Variants in IFT88 observed in about 807,000 individuals in gnomAD.
IFT88 encodes intraflagellar transport protein 88 homolog.
A neutral mutation model predicts 119.5 loss-of-function variants in IFT88; 74 were observed. The observed-to-expected ratio is 0.62, with a 90% confidence interval of 0.51 to 0.75. The LOEUF (loss-of-function observed/expected upper bound fraction) is 0.75, where lower values mean the gene tolerates loss of function less well. IFT88 is among the 30% of genes least tolerant of loss of function. IFT88 has a pLI of 0.00. For synonymous variants in IFT88, 279 were observed against 316.7 expected, an observed-to-expected ratio of 0.88 and a Z score of 1.26; for missense variants, 961 against 977.7, an observed-to-expected ratio of 0.98 and a Z score of 0.23.
At chr13:20,585,141 T>G (rs774058085) in intron 3 of IFT88, among the ~76,000 whole-genome samples, 17 of 152,094 alleles carry the variant, frequency 1.1e-4, no homozygotes, top group Non-Finnish European at 1.9e-4. Context: ...GTAAATGCAT[T>G]TAGTGTGGTT....
chr13:20,607,257 T>C (rs909913841), intron 13 of IFT88: 8 of 407,158 alleles, frequency 2.0e-5, no homozygotes, highest in African/African-American at 4.2e-5. Flanking sequence ...GGCCTGCTGC[T>C]GCCGCAGCAC....
chr13:20,607,792 T>A, intron 13 of IFT88: 1 of 743,294 alleles, frequency 1.3e-6, no homozygotes, highest in Non-Finnish European at 2.5e-6. Flanking sequence ...CCTCGTCAGC[T>A]CTCTGAGCTA....
chr13:20,578,358 C>CTTTTTTTTTTTTTT (rs1158499742), intron 2 of IFT88, among the ~76,000 whole-genome samples: 2 of 78,754 alleles, frequency 2.5e-5, no homozygotes, highest in South Asian at 4.1e-4. Context: ...AGTCTTGTTA[C>CTTTTTTTTTTTTTT]TTTTTTTTTT....
chr13:20,571,160 A>AT (rs2036285076), intron 1 of IFT88, among the ~76,000 whole-genome samples: 1 of 151,636 alleles, frequency 6.6e-6, no homozygotes, highest in Non-Finnish European at 1.5e-5. Context: ...TGCCCGGCTA[A>AT]TTTTTTTGTA....
At chr13:20,624,988 A>G (rs73433309) in intron 14 of IFT88, among the ~76,000 whole-genome samples, 4,717 of 152,220 alleles carry the variant, frequency 0.031, 241 homozygotes, top group African/African-American at 0.11. Context: ...GATCTCTTCA[A>G]CTTATTCCTT....
Position 20,592,405 on chromosome 13 carries a change from G to A in IFT88, c.398+1G>A, listed in dbSNP as rs948410524. 1.2e-6 allele frequency: 2 copies of A among 1,602,418 alleles called. No individual in the cohort carries two copies. The highest frequency in any genetic ancestry group is 1.7e-6 in the Non-Finnish European group (2 of 1,172,968). On this transcript the variant is annotated splice_donor_variant, in intron 7 of 25. Coordinates refer to ENST00000351808, the MANE Select transcript of IFT88 (RefSeq NM_006531.5). LOFTEE classifies it high-confidence loss of function. ...CTTTGGAAGCCAAGAAAAAAGATAG[G>A]TATGTAAGTCCTTATGTTGTTGTTT...
chr13:20,647,184 C>T lies in IFT88; in HGVS notation c.1949+2226C>T, dbSNP rs148619675. 3.4e-4 allele frequency among the ~76,000 whole-genome samples: 52 copies of T among 152,296 alleles called. 1 individual carries two copies. In the South Asian group the frequency reaches 3.9e-3, roughly 12 times the overall value. ...TTCTATAAACTTACTTCCACTTGCA[C>T]CTGCTGTTATCTCCTTCTCAGTGAC... On this transcript the variant is annotated intron_variant, in intron 20 of 25. Transcript: ENST00000351808.
intron 17 of IFT88, among the ~76,000 whole-genome samples, chr13:20,639,320 C>CT (rs1417307856): frequency 1.3e-5 from 2 of 152,134 alleles, no homozygotes; most frequent in Non-Finnish European, 2.9e-5. Context: ...AGTGGAGTCT[C>CT]TAAGTCCATG....
In IFT88 at chr13:20,597,029, A is replaced by C; in HGVS notation, c.504A>C (p.Ala168=). Residue 168 remains alanine, a synonymous_variant, in exon 9 of 26, where the codon GCA becomes GCC. Coordinates refer to ENST00000351808, the MANE Select transcript of IFT88 (RefSeq NM_006531.5). ...CGDLKLALEK[A]KDAGRKERVL... The stretch of plus-strand genomic sequence containing the variant: ...TCTGATTTCAGGCCTTAGAAAAGGC[A>C]AAAGATGCAGGAAGAAAAGAGAGAG... 6.2e-7 allele frequency: 1 copy of C among 1,601,652 alleles called. No homozygotes were observed. Among genetic ancestry groups the C allele is most frequent in the Non-Finnish European group, 8.5e-7 (1 of 1,174,214 alleles).
chr13:20,568,751 G>A (rs962065705), intron 1 of IFT88, among the ~76,000 whole-genome samples: 1 of 151,814 alleles, frequency 6.6e-6, no homozygotes, highest in African/African-American at 2.4e-5. Context: ...GGAGTCGCAC[G>A]CTCTGTTGCC....
At chr13:20,618,839 T>C (rs906710473) in intron 14 of IFT88, among the ~76,000 whole-genome samples, 1 of 143,720 alleles carries the variant, frequency 7.0e-6, no homozygotes, top group African/African-American at 2.6e-5. Flanking sequence ...TCTTTGTATA[T>C]GATTAAATTA....
intron 14 of IFT88, among the ~76,000 whole-genome samples, chr13:20,622,634 G>C (rs1282895447): frequency 6.6e-6 from 1 of 152,156 alleles, no homozygotes; most frequent in Non-Finnish European, 1.5e-5. Flanking sequence ...CTTATTTGGA[G>C]AAGTGTTTGT....
intron 14 of IFT88, among the ~76,000 whole-genome samples, chr13:20,621,239 G>A (rs1027286666): frequency 6.6e-6 from 1 of 151,986 alleles, no homozygotes; most frequent in Non-Finnish European, 1.5e-5. Flanking sequence ...GCAAAGTTTT[G>A]TATTTTTAGT....
chr13:20,598,638 T>C lies in IFT88; in HGVS notation c.595-13T>C, dbSNP rs1328681283. The C allele has an allele frequency of 6.4e-7, 1 of 1,559,188 alleles. No individual in the cohort carries two copies. The highest frequency in any genetic ancestry group is 8.8e-7 in the Non-Finnish European group (1 of 1,131,796). ...GGTCTTATGTGTCTTTTCTATAATA[T>C]TTTCTTCCTTAGGTTCTTTTCAATT... is the stretch of plus-strand genomic sequence containing the variant. On this transcript the variant is annotated splice_polypyrimidine_tract_variant and intron_variant, in intron 9 of 25. Coordinates refer to ENST00000351808, the MANE Select transcript of IFT88 (RefSeq NM_006531.5).
intron 14 of IFT88, among the ~76,000 whole-genome samples, chr13:20,620,092 A>G (rs914179595): frequency 3.3e-5 from 5 of 152,218 alleles, no homozygotes; most frequent in South Asian, 2.1e-4. Flanking sequence ...CCCCAACTTC[A>G]TGAAAATATT....
intron 24 of IFT88, among the ~76,000 whole-genome samples, chr13:20,686,328 A>C (rs2057911410): frequency 6.6e-6 from 1 of 152,248 alleles, no homozygotes; most frequent in African/African-American, 2.4e-5. Flanking sequence ...AAAATGCAGG[A>C]AAGGCAAGTA....
chr13:20,616,448 A>C (rs991362323), intron 14 of IFT88, among the ~76,000 whole-genome samples: 3 of 152,212 alleles, frequency 2.0e-5, no homozygotes, highest in African/African-American at 7.2e-5. Context: ...AGATAGATTT[A>C]GATATACAAA....
At chr13:20,654,288 A>G (rs1245350223) in intron 21 of IFT88, among the ~76,000 whole-genome samples, 2 of 152,198 alleles carry the variant, frequency 1.3e-5, no homozygotes, top group East Asian at 3.8e-4. Context: ...GCTCGGCCAA[A>G]TTTATGACAC....
intron 20 of IFT88, among the ~76,000 whole-genome samples, chr13:20,647,970 A>C (rs888453548): frequency 6.6e-6 from 1 of 152,136 alleles, no homozygotes; most frequent in Non-Finnish European, 1.5e-5. Context: ...TATCACATAC[A>C]GGGACCCTCA....
Sources: allele counts gnomAD v4.1 joint callset (sites outside exome capture counted in the v4.1 genomes callset), GRCh38; gene constraint gnomAD v4.1.1; transcripts MANE v1.5; gene names NCBI Gene and HGNC (gene_info 2026-07-23, HGNC 2026-07-21).